STX8: variants seen among roughly 807,000 people sequenced by gnomAD.
The protein encoded by STX8 is syntaxin 8.
A neutral mutation model predicts 37.5 loss-of-function variants in STX8; 23 were observed. That is an observed-to-expected ratio of 0.61 (90% CI 0.44 to 0.87). The LOEUF is 0.87. STX8 is among the 40% of genes least tolerant of loss of function. The pLI, the probability that STX8 is intolerant of heterozygous loss-of-function variation, is 0.00. For synonymous variants in STX8, 115 were observed against 99.1 expected (o/e 1.16, Z -0.95); for missense variants, 313 against 284.7 (o/e 1.10, Z -0.71).
intron 7 of STX8, among the ~76,000 whole-genome samples, chr17:9,285,533 G>A (rs1222508870): frequency 6.6e-6 from 1 of 152,100 alleles, no homozygotes; most frequent in East Asian, 1.9e-4. Flanking sequence ...TTTTCTCTAA[G>A]GCCGGCCTCC....
intron 4 of STX8, among the ~76,000 whole-genome samples, chr17:9,506,946 G>A (rs962737203): frequency 6.6e-6 from 1 of 151,938 alleles, no homozygotes; most frequent in Non-Finnish European, 1.5e-5. Context: ...AAGCTACACA[G>A]GTGGCTGAAC....
chr17:9,523,395 C>CAG (rs1274097073), intron 4 of STX8, among the ~76,000 whole-genome samples: 2 of 149,732 alleles, frequency 1.3e-5, no homozygotes, highest in Non-Finnish European at 3.0e-5. Context: ...TATATATATA[C>CAG]ACACACACAC....
intron 4 of STX8, among the ~76,000 whole-genome samples, chr17:9,539,586 C>T (rs1433981466): frequency 3.9e-5 from 6 of 152,138 alleles, no homozygotes; most frequent in Non-Finnish European, 8.8e-5. Context: ...GCTTTCTGGC[C>T]ACCATGCTTC....
At chr17:9,391,138 G>A (rs551553348) in intron 6 of STX8, among the ~76,000 whole-genome samples, 7 of 152,092 alleles carry the variant, frequency 4.6e-5, no homozygotes, top group East Asian at 1.9e-4. Flanking sequence ...GAAGCATTAC[G>A]AGACACCCTC....
chr17:9,557,567 G>A (rs938050483), intron 2 of STX8, 39 bp from the exon 3 acceptor site: 1 of 1,567,876 alleles, frequency 6.4e-7, no homozygotes, highest in Admixed American at 1.7e-5. Context: ...TTCTAGTCCA[G>A]AATGTAGAAT....
At chr17:9,317,079 C>T (rs968918232) in intron 7 of STX8, among the ~76,000 whole-genome samples, 1 of 151,470 alleles carries the variant, frequency 6.6e-6, no homozygotes, top group African/African-American at 2.4e-5. Flanking sequence ...GAATAAGGGA[C>T]ATTAGACTGG....
At chr17:9,502,594 C>CA (rs895920304) in intron 5 of STX8, among the ~76,000 whole-genome samples, 76 of 152,132 alleles carry the variant, frequency 5.0e-4, no homozygotes, top group African/African-American at 1.7e-3. Flanking sequence ...TTTAAAAAGT[C>CA]AAACAGCTAC....
intron 7 of STX8, among the ~76,000 whole-genome samples, chr17:9,263,526 C>A (rs1456917917): frequency 6.6e-6 from 1 of 152,166 alleles, no homozygotes; most frequent in South Asian, 2.1e-4. Context: ...GCTTTTTTCA[C>A]TTAATTTGTC....
rs1904773198 is a variant in STX8, at chr17:9,505,072, A to C, written c.414T>G (p.Asp138Glu). The stretch of plus-strand genomic sequence containing the variant: ...TTTTCTGCTGCTGTTGCCGGATTTC[A>C]TCAAAACCCAAGCCTCTGGTCTCCT... ...EPEETRGLGF[D>E]EIRQQQQKII... Residue 138 changes from aspartate (D) to glutamate (E), a missense_variant, in exon 5 of 8, where the codon GAT becomes GAG. By Grantham distance (45) the Asp-to-Glu change is conservative (BLOSUM62 2). Transcript: ENST00000306357. The C allele has an allele frequency of 6.2e-7, 1 of 1,611,882 alleles. No individual in the cohort carries two copies. Among genetic ancestry groups the C allele is most frequent in the Non-Finnish European group, 8.5e-7 (1 of 1,179,328 alleles).
intron 6 of STX8, among the ~76,000 whole-genome samples, chr17:9,412,356 T>C (rs1248646153): frequency 1.3e-5 from 2 of 151,988 alleles, no homozygotes; most frequent in African/African-American, 2.4e-5. Context: ...CTCAGCTCAC[T>C]GCAACCTCTG....
chr17:9,442,703 C>T (rs1164001672), intron 6 of STX8, among the ~76,000 whole-genome samples: 2 of 152,120 alleles, frequency 1.3e-5, no homozygotes. Flanking sequence ...CCACTGTGCC[C>T]GGCCTGTATC....
At chr17:9,407,692 C>T (rs574947833) in intron 6 of STX8, among the ~76,000 whole-genome samples, 36 of 107,418 alleles carry the variant, frequency 3.4e-4, no homozygotes, top group Non-Finnish European at 5.3e-4. Context: ...TTGGAGGGGG[C>T]GGGACAGCTT....
At chr17:9,280,442 A>T (rs1907842107) in intron 7 of STX8, among the ~76,000 whole-genome samples, 1 of 152,120 alleles carries the variant, frequency 6.6e-6, no homozygotes, top group Non-Finnish European at 1.5e-5. Flanking sequence ...AATCCCAGCT[A>T]CTTGGGAGGC....
In STX8 at chr17:9,378,642, C is replaced by T. The variant is rs757131493; in HGVS notation, c.553G>A (p.Asp185Asn). 1.2e-6 allele frequency: 2 copies of T among 1,613,020 alleles called. No homozygotes were observed. Among genetic ancestry groups the T allele is most frequent in the Non-Finnish European group, 8.5e-7 (1 of 1,179,230 alleles). Residue 185 changes from aspartate (D) to asparagine (N), a missense_variant, in exon 7 of 8, where the codon GAC becomes AAC. Transcript: ENST00000306357. ...ELDEQNEIID[D>N]LANLVENTDE... ...GTGTTCTCCACTAGGTTGGCAAGGT[C>T]GTCAATTATCTCTAGAAAGGAAACA...
At chr17:9,261,699 G>A (rs1415007982) in intron 7 of STX8, among the ~76,000 whole-genome samples, 2 of 152,134 alleles carry the variant, frequency 1.3e-5, no homozygotes, top group African/African-American at 4.8e-5. Flanking sequence ...GAATTCAATT[G>A]TAAATAGATA....
At chr17:9,499,182 T>A (rs1318680143) in intron 5 of STX8, among the ~76,000 whole-genome samples, 1 of 152,166 alleles carries the variant, frequency 6.6e-6, no homozygotes, top group East Asian at 1.9e-4. Flanking sequence ...GGCTAAGGGA[T>A]TCCACGGGCT....
chr17:9,524,696 A>G (rs1905490179), intron 4 of STX8, among the ~76,000 whole-genome samples: 1 of 152,166 alleles, frequency 6.6e-6, no homozygotes, highest in African/African-American at 2.4e-5. Flanking sequence ...TTGATTTGCT[A>G]TTATTACACC....
At chr17:9,489,249 T>G (rs537565106) in intron 6 of STX8, among the ~76,000 whole-genome samples, 11 of 151,964 alleles carry the variant, frequency 7.2e-5, no homozygotes, top group Non-Finnish European at 1.0e-4. Flanking sequence ...CACTTCAACC[T>G]GAGGAAGCTA....
At chr17:9,446,100 T>G (rs1310478264) in intron 6 of STX8, among the ~76,000 whole-genome samples, 3 of 152,148 alleles carry the variant, frequency 2.0e-5, no homozygotes, top group Non-Finnish European at 4.4e-5. Context: ...CCTCCCAAAG[T>G]GCTGGGATTA....
Sources: allele counts gnomAD v4.1 joint callset (sites outside exome capture counted in the v4.1 genomes callset), GRCh38; gene constraint gnomAD v4.1.1; transcripts MANE v1.5; gene names NCBI Gene and HGNC (gene_info 2026-07-23, HGNC 2026-07-21).